Variants in DOCK3 observed in about 807,000 individuals in gnomAD.
DOCK3 encodes the protein dedicator of cytokinesis protein 3.
In DOCK3, 60 loss-of-function variants were observed where a neutral mutation model predicts 265.6. The ratio of observed to expected loss-of-function variants is 0.23; its 90% CI spans 0.18 to 0.28. DOCK3 has a LOEUF of 0.28. Among genes scored for constraint, DOCK3 ranks in the 10% least tolerant of loss-of-function variants. The pLI is 1.00. For missense variants in DOCK3, 1,981 were observed against 2,594.3 expected (o/e 0.76, Z 5.14); for synonymous variants, 881 against 938.0 (o/e 0.94, Z 1.11).
At position 50,675,319 on chromosome 3, in the gene DOCK3, T is replaced by C. The variant is rs1438734105; in HGVS notation, c.37+19T>C. On this transcript the variant is annotated intron_variant, in intron 1 of 52. Coordinates refer to ENST00000266037, the MANE Select transcript of DOCK3 (RefSeq NM_004947.5). This position sits in a 1 kb window ranked among gnomAD's most constrained non-coding sequence, Gnocchi z 6.1. ...GGCGTAGGTAGGTGAGGCTCAGGCC[T>C]GGCCGTGGCGGGGGTTCTGGGGGAC... 1 of 1,252,368 alleles carries C rather than the reference T, an allele frequency of 8.0e-7. No individual in the cohort carries two copies. Among genetic ancestry groups the C allele is most frequent in the Non-Finnish European group, 1.0e-6 (1 of 984,410 alleles). The allele number at this position is 1,252,368 out of a possible 1,614,324, so 77.6% of individuals were successfully genotyped here.
intron 5 of DOCK3, among the ~76,000 whole-genome samples, chr3:51,015,532 G>A (rs2079115790): frequency 6.6e-6 from 1 of 150,810 alleles, no homozygotes; most frequent in Non-Finnish European, 1.5e-5. Flanking sequence ...TGGTTTGCTA[G>A]TATTTTGTTG....
intron 4 of DOCK3, among the ~76,000 whole-genome samples, chr3:50,923,982 A>G (rs528132733): frequency 5.3e-5 from 8 of 152,202 alleles, no homozygotes; most frequent in Non-Finnish European, 1.0e-4. Context: ...ATGCCAACCA[A>G]TGCCAAAACT....
chr3:51,248,491 A>C (rs1232912387), intron 22 of DOCK3, among the ~76,000 whole-genome samples: 1 of 152,222 alleles, frequency 6.6e-6, no homozygotes, highest in Admixed American at 6.5e-5. Flanking sequence ...TGGTTCACTC[A>C]GTGCTCAATG....
chr3:50,984,169 T>G (rs993989050), intron 5 of DOCK3, among the ~76,000 whole-genome samples: 3 of 152,208 alleles, frequency 2.0e-5, no homozygotes, highest in Non-Finnish European at 2.9e-5. Context: ...CCTGCCAGGC[T>G]GAGTGGCAGA....
intron 5 of DOCK3, among the ~76,000 whole-genome samples, chr3:51,016,500 C>T (rs1211225909): frequency 7.9e-5 from 7 of 88,086 alleles, no homozygotes; most frequent in South Asian, 6.8e-4. Flanking sequence ...TATATTTCTA[C>T]ATAATATATA....
intron 9 of DOCK3, among the ~76,000 whole-genome samples, chr3:51,130,100 G>C (rs1220394042): frequency 6.6e-6 from 1 of 152,200 alleles, no homozygotes; most frequent in East Asian, 1.9e-4. Context: ...TGGACTCCTA[G>C]AAATTTTACT....
At chr3:51,323,885 A>G (rs1282416019) in intron 32 of DOCK3, among the ~76,000 whole-genome samples, 1 of 152,240 alleles carries the variant, frequency 6.6e-6, no homozygotes, top group African/African-American at 2.4e-5. Context: ...CAAGAAATCA[A>G]TGAATCCAGG....
intron 2 of DOCK3, among the ~76,000 whole-genome samples, chr3:50,804,502 T>C (rs1158153207): frequency 6.6e-6 from 1 of 152,144 alleles, no homozygotes; most frequent in Admixed American, 6.5e-5. Context: ...CTTGGGAGGC[T>C]GAGGCTGGCG....
intron 4 of DOCK3, among the ~76,000 whole-genome samples, chr3:50,899,714 T>C (rs1177111751): frequency 6.6e-6 from 1 of 152,134 alleles, no homozygotes; most frequent in East Asian, 1.9e-4. Context: ...TGTAAAGGAT[T>C]TTATTTCTCT....
At chr3:50,997,765 A>G (rs527966914) in intron 5 of DOCK3, among the ~76,000 whole-genome samples, 3 of 152,256 alleles carry the variant, frequency 2.0e-5, no homozygotes, top group South Asian at 4.1e-4. Flanking sequence ...CTGGCTAGGT[A>G]TAGGGATCAG....
chr3:50,937,055 TC>T (rs2051404115), intron 5 of DOCK3, among the ~76,000 whole-genome samples: 1 of 151,758 alleles, frequency 6.6e-6, no homozygotes, highest in African/African-American at 2.4e-5. Context: ...GGTGGGTAGA[TC>T]ACCTGAGGTC....
At chr3:51,141,224 A>G (rs564912948) in intron 9 of DOCK3, among the ~76,000 whole-genome samples, 36 of 147,480 alleles carry the variant, frequency 2.4e-4, no homozygotes, top group Admixed American at 4.0e-4. Flanking sequence ...AGTGGTGCCA[A>G]TATTTTAATC....
intron 2 of DOCK3, among the ~76,000 whole-genome samples, chr3:50,814,006 C>T (rs1469156106): frequency 6.6e-6 from 1 of 152,012 alleles, no homozygotes; most frequent in Non-Finnish European, 1.5e-5. Context: ...AATGTATGGG[C>T]ACGGTTTCTT....
intron 5 of DOCK3, among the ~76,000 whole-genome samples, chr3:50,981,760 T>G (rs111481958): frequency 0.017 from 2,576 of 152,364 alleles, 53 homozygotes; most frequent in African/African-American, 0.042. Flanking sequence ...AATGTAAGTA[T>G]AGCTATTCCT....
intron 1 of DOCK3, among the ~76,000 whole-genome samples, chr3:50,729,598 C>T (rs548483544): frequency 2.6e-5 from 4 of 151,830 alleles, no homozygotes; most frequent in East Asian, 3.9e-4. Context: ...TACAGTGGCT[C>T]GATCATAGCT....
chr3:50,824,922 CCTT>C (rs1404581558), intron 2 of DOCK3, among the ~76,000 whole-genome samples: 4 of 152,108 alleles, frequency 2.6e-5, no homozygotes, highest in Non-Finnish European at 5.9e-5. Flanking sequence ...AATCTTTAAT[CCTT>C]CTTGCAATTT....
chr3:51,120,473 C>T (rs2083960329), intron 9 of DOCK3, among the ~76,000 whole-genome samples: 1 of 152,184 alleles, frequency 6.6e-6, no homozygotes, highest in Admixed American at 6.5e-5. Flanking sequence ...GCTGTCTGTC[C>T]CTTAGCAGAG....
chr3:51,128,805 A>T (rs1370148143), intron 9 of DOCK3, among the ~76,000 whole-genome samples: 1 of 152,166 alleles, frequency 6.6e-6, no homozygotes, highest in Non-Finnish European at 1.5e-5. Context: ...GGTGAGTGGA[A>T]GTCCATGTTG....
chr3:51,033,435 T>A (rs902104262), intron 5 of DOCK3, among the ~76,000 whole-genome samples: 4 of 152,232 alleles, frequency 2.6e-5, no homozygotes, highest in Admixed American at 2.0e-4. Context: ...TAGTAGCCAT[T>A]GCTTTGATTG....
Sources: allele counts gnomAD v4.1 joint callset (sites outside exome capture counted in the v4.1 genomes callset), GRCh38; gene constraint gnomAD v4.1.1; non-coding constraint Gnocchi (gnomAD v3.1); transcripts MANE v1.5; gene names NCBI Gene and HGNC (gene_info 2026-07-23, HGNC 2026-07-21).